Variants in ESR1 observed in about 807,000 individuals in gnomAD.
ESR1 encodes estrogen receptor 1.
In ESR1, 12 loss-of-function variants were observed where a neutral mutation model predicts 52.7. The observed-to-expected ratio is 0.23, with a 90% CI of 0.15 to 0.37. The LOEUF (loss-of-function observed/expected upper bound fraction) is 0.37, where lower values mean the gene tolerates loss of function less well. Ranked by LOEUF, ESR1 falls within the 10% of genes least tolerant of loss-of-function variation. ESR1 has a pLI of 1.00. For synonymous variants in ESR1, 305 were observed against 316.8 expected (o/e 0.96, Z 0.39); for missense variants, 584 against 779.7 (o/e 0.75, Z 2.99).
intron 3 of ESR1, among the ~76,000 whole-genome samples, chr6:151,904,788 A>G (rs1797192204): frequency 6.6e-6 from 1 of 152,178 alleles, no homozygotes; most frequent in South Asian, 2.1e-4. Context: ...AATATTGAAC[A>G]TGTGGAATTG....
chr6:151,892,874 A>G (rs1378392239), intron 3 of ESR1, among the ~76,000 whole-genome samples: 1 of 152,202 alleles, frequency 6.6e-6, no homozygotes, highest in Non-Finnish European at 1.5e-5. Flanking sequence ...GATGAAGAGC[A>G]GAGGGAGTTG....
At chr6:151,906,776 A>AT (rs1333787764) in intron 3 of ESR1, among the ~76,000 whole-genome samples, 5 of 149,038 alleles carry the variant, frequency 3.4e-5, no homozygotes, top group African/African-American at 5.0e-5. Flanking sequence ...AATTTATCGT[A>AT]TTTTTTCTTT....
Position 151,932,082 on chromosome 6 carries a change from C to G in ESR1, c.761-12091C>G, listed in dbSNP as rs1374587967. 1.2e-3 allele frequency among the ~76,000 whole-genome samples: 172 copies of G among 148,798 alleles called. 1 individual carries two copies. The highest frequency in any genetic ancestry group is 3.5e-3 in the African/African-American group (144 of 40,584). On this transcript the variant is annotated intron_variant, in intron 3 of 7. Coordinates refer to ENST00000206249, the MANE Select transcript of ESR1 (RefSeq NM_000125.4). ...ACAGTCCCACCAACAGTGTAAAAGTCTTCCTATTTCTCCACATCCTCTCCA... is the reference window on the plus strand; with the variant it reads ...ACAGTCCCACCAACAGTGTAAAAGTGTTCCTATTTCTCCACATCCTCTCCA...
rs557981383 is a variant in ESR1, at chr6:152,040,387, T to C, written c.1236-20604T>C. ...CTTGATTATTAAAATCCTCCTCTGC[T>C]GAGGTCATCTTTTGGTGAGCACTCA... On this transcript the variant is annotated intron_variant, in intron 5 of 7. Transcript: ENST00000206249. 5.4e-4 allele frequency among the ~76,000 whole-genome samples: 83 copies of C among 152,342 alleles called. 1 individual carries two copies. Among genetic ancestry groups the C allele is most frequent in the Admixed American group, 1.4e-3 (22 of 15,308 alleles).
chr6:151,715,275 TC>T (rs1446405505), intron 2 of ESR1, among the ~76,000 whole-genome samples: 1 of 152,236 alleles, frequency 6.6e-6, no homozygotes, highest in Admixed American at 6.5e-5. Context: ...TAACATTTTT[TC>T]CTTCATTTCA....
intron 4 of ESR1, among the ~76,000 whole-genome samples, chr6:151,982,393 T>A (rs914944430): frequency 6.6e-6 from 1 of 152,256 alleles, no homozygotes; most frequent in African/African-American, 2.4e-5. Context: ...TCTAGAACAG[T>A]GCTTGTCTAA....
At chr6:152,084,659 A>G (rs2049542008) in intron 6 of ESR1, among the ~76,000 whole-genome samples, 2 of 152,120 alleles carry the variant, frequency 1.3e-5, no homozygotes, top group African/African-American at 2.4e-5. Context: ...GCCTGGCCAA[A>G]ACAAAAAGAA....
At chr6:151,747,277 A>G (rs1421438453) in intron 2 of ESR1, among the ~76,000 whole-genome samples, 1 of 152,218 alleles carries the variant, frequency 6.6e-6, no homozygotes, top group Non-Finnish European at 1.5e-5. Context: ...CACAAATACA[A>G]TCTAGGTGAC....
chr6:152,060,070 A>G (rs1419879602), intron 5 of ESR1, among the ~76,000 whole-genome samples: 2 of 152,232 alleles, frequency 1.3e-5, no homozygotes, highest in Non-Finnish European at 2.9e-5. Context: ...AACTTGTGAT[A>G]AAGAAAAAAA....
intron 1 of ESR1, among the ~76,000 whole-genome samples, chr6:151,697,971 G>A (rs374179781): frequency 4.6e-5 from 7 of 152,034 alleles, no homozygotes; most frequent in Admixed American, 1.3e-4. Flanking sequence ...GGCAGCATGC[G>A]CCTGTAGTCC....
intron 1 of ESR1, among the ~76,000 whole-genome samples, chr6:151,831,399 C>T (rs955629031): frequency 1.3e-5 from 2 of 152,144 alleles, no homozygotes; most frequent in East Asian, 3.9e-4. Context: ...CGCAGCCTTC[C>T]AGAGCAGTGA....
At chr6:151,952,131 G>C (rs922721616) in intron 4 of ESR1, among the ~76,000 whole-genome samples, 1 of 152,206 alleles carries the variant, frequency 6.6e-6, no homozygotes, top group African/African-American at 2.4e-5. Context: ...AGGTGGACAT[G>C]AATATTAGGA....
chr6:152,041,072 C>T (rs538515896), intron 5 of ESR1, among the ~76,000 whole-genome samples: 44 of 152,322 alleles, frequency 2.9e-4, no homozygotes, highest in African/African-American at 1.1e-3. Context: ...CATACAGTTT[C>T]TACCAAAGCA....
chr6:151,730,258 C>T (rs1782143114), intron 2 of ESR1, among the ~76,000 whole-genome samples: 1 of 152,076 alleles, frequency 6.6e-6, no homozygotes, highest in African/African-American at 2.4e-5. Flanking sequence ...TGACCATCTG[C>T]TGCTCTATCC....
chr6:151,750,141 G>A, intron 2 of ESR1, among the ~76,000 whole-genome samples: 1 of 152,076 alleles, frequency 6.6e-6, no homozygotes, highest in East Asian at 1.9e-4. Flanking sequence ...AGTTTTTAAT[G>A]TAGATTCAAG....
At chr6:151,904,839 G>T (rs1797201090) in intron 3 of ESR1, among the ~76,000 whole-genome samples, 1 of 152,054 alleles carries the variant, frequency 6.6e-6, no homozygotes, top group Admixed American at 6.6e-5. Context: ...CCAAGATGTT[G>T]GTTTTTGGCA....
intron 2 of ESR1, among the ~76,000 whole-genome samples, chr6:151,735,200 G>A (rs958248203): frequency 6.6e-6 from 1 of 152,050 alleles, no homozygotes; most frequent in Non-Finnish European, 1.5e-5. Flanking sequence ...AGGTTTCTTA[G>A]CATAATGCGT....
intron 4 of ESR1, among the ~76,000 whole-genome samples, chr6:151,975,430 C>A (rs2039349031): frequency 6.6e-6 from 1 of 151,836 alleles, no homozygotes; most frequent in African/African-American, 2.4e-5. Flanking sequence ...AGAAACAGAA[C>A]CAGTAGGATC....
chr6:151,764,140 C>T (rs1890010), intron 2 of ESR1, among the ~76,000 whole-genome samples: 107,909 of 151,994 alleles, frequency 0.71, 38,609 homozygotes, highest in East Asian at 0.96. Flanking sequence ...TGCTCGGGAC[C>T]GGGGTTTCCT....
Sources: gnomAD v4.1 joint callset for allele counts (sites outside exome capture counted in the v4.1 genomes callset) on GRCh38, gnomAD v4.1.1 for gene constraint, MANE v1.5 for transcripts, NCBI Gene and HGNC (gene_info 2026-07-23, HGNC 2026-07-21) for gene names.